The following NEGR1 variants were observed in gnomAD, a reference collection of about 807,000 sequenced individuals.
The protein encoded by NEGR1 is neuronal growth regulator 1.
A neutral mutation model predicts 40.9 loss-of-function variants in NEGR1; 10 were observed. The observed-to-expected ratio is 0.24, with a 90% CI of 0.15 to 0.42. The LOEUF is 0.42. Among genes scored for constraint, NEGR1 ranks in the 10% least tolerant of loss-of-function variants. The probability of loss-of-function intolerance (pLI) is 1.00; values close to 1 mark genes in which losing one functional copy is unlikely to be tolerated. For synonymous variants in NEGR1, 185 were observed against 166.8 expected (o/e 1.11, Z -0.84); for missense variants, 352 against 438.9 (o/e 0.80, Z 1.77).
chr1:72,122,293 C>T (rs1259153778), intron 1 of NEGR1, among the ~76,000 whole-genome samples: 1 of 151,818 alleles, frequency 6.6e-6, no homozygotes, highest in African/African-American at 2.4e-5. Flanking sequence ...ATGGGAAATC[C>T]CAGAGTGAGT....
intron 4 of NEGR1, among the ~76,000 whole-genome samples, chr1:71,636,303 T>A (rs566448858): frequency 6.6e-6 from 1 of 152,240 alleles, no homozygotes; most frequent in Admixed American, 6.5e-5. Context: ...AAATTAATAA[T>A]CTGGAGGTTC....
At chr1:71,684,407 A>G (rs1233719857) in intron 4 of NEGR1, among the ~76,000 whole-genome samples, 1 of 152,190 alleles carries the variant, frequency 6.6e-6, no homozygotes, top group African/African-American at 2.4e-5. Context: ...ACATTTGTAT[A>G]TATTTTTAAC....
At chr1:71,913,123 TA>T (rs1661466779) in intron 2 of NEGR1, among the ~76,000 whole-genome samples, 1 of 152,074 alleles carries the variant, frequency 6.6e-6, no homozygotes, top group Non-Finnish European at 1.5e-5. Context: ...TTAAATTAAT[TA>T]ATTAATTCTG....
At chr1:71,558,800 C>A (rs994154704) in intron 6 of NEGR1, among the ~76,000 whole-genome samples, 2 of 148,850 alleles carry the variant, frequency 1.3e-5, no homozygotes, top group African/African-American at 2.5e-5. Flanking sequence ...AGTTTCCCTG[C>A]CCAGCCCTAG....
At chr1:71,864,495 G>A (rs1660054896) in intron 2 of NEGR1, among the ~76,000 whole-genome samples, 1 of 152,152 alleles carries the variant, frequency 6.6e-6, no homozygotes, top group South Asian at 2.1e-4. Flanking sequence ...TAAAAGAATT[G>A]TGACTAAAGT....
At chr1:71,896,230 G>GT (rs1244373597) in intron 2 of NEGR1, among the ~76,000 whole-genome samples, 1 of 151,810 alleles carries the variant, frequency 6.6e-6, no homozygotes, top group Non-Finnish European at 1.5e-5. Context: ...TAGAGATGGG[G>GT]TTTCACCATG....
intron 2 of NEGR1, among the ~76,000 whole-genome samples, chr1:71,869,338 T>C (rs188887763): frequency 6.6e-6 from 1 of 152,258 alleles, no homozygotes; most frequent in Admixed American, 6.6e-5. Context: ...AGTGAGCCTA[T>C]AAATTAAAGC....
At position 71,815,893 on chromosome 1, in the gene NEGR1, T is replaced by G. The variant is rs974230134; in HGVS notation, c.410-39596A>C. On this transcript the variant is annotated intron_variant, in intron 2 of 6. Transcript: ENST00000357731. ...GATCACTGATAAACTGGATCATGGT[T>G]GAAGTGATAAAAGGTTTAACATATT... is the stretch of plus-strand genomic sequence containing the variant. Among the ~76,000 whole-genome samples the G allele has an allele frequency of 2.6e-5, 4 of 152,192 alleles. No individual in the cohort carries two copies. In the East Asian group the frequency reaches 7.8e-4, roughly 30 times the overall value.
At chr1:72,213,309 T>C (rs1451440243) in intron 1 of NEGR1, among the ~76,000 whole-genome samples, 1 of 151,938 alleles carries the variant, frequency 6.6e-6, no homozygotes, top group Non-Finnish European at 1.5e-5. Context: ...TTGTAAAACT[T>C]TTGCAAAATG....
At chr1:71,715,316 G>T (rs1324314163) in intron 3 of NEGR1, among the ~76,000 whole-genome samples, 1 of 152,174 alleles carries the variant, frequency 6.6e-6, no homozygotes, top group Non-Finnish European at 1.5e-5. Flanking sequence ...GACCTGCCAT[G>T]AAGACATCTG....
intron 1 of NEGR1, among the ~76,000 whole-genome samples, chr1:72,193,508 T>C (rs888300849): frequency 2.6e-5 from 4 of 151,742 alleles, no homozygotes; most frequent in African/African-American, 7.2e-5. Flanking sequence ...TGTTAGCTCC[T>C]GATATCAACA....
At chr1:72,007,557 T>A (rs967056787) in intron 1 of NEGR1, among the ~76,000 whole-genome samples, 2 of 152,124 alleles carry the variant, frequency 1.3e-5, no homozygotes, top group African/African-American at 4.8e-5. Flanking sequence ...CACTGTCTTA[T>A]GGCCACTAGT....
rs144659185 is a variant in NEGR1 at position 71,970,503 on chromosome 1, C to T, written c.177-35192G>A. ...GCCTGGAATTCAAGACCAGATTGGCCAACATGGTGAAATCCCATCTCTACT... is the reference window on the plus strand; with the variant it reads ...GCCTGGAATTCAAGACCAGATTGGCTAACATGGTGAAATCCCATCTCTACT... On this transcript the variant is annotated intron_variant, in intron 1 of 6. Coordinates refer to ENST00000357731, the MANE Select transcript of NEGR1 (RefSeq NM_173808.3). Among the ~76,000 whole-genome samples the T allele has an allele frequency of 3.0e-3, 452 of 152,016 alleles. 2 individuals carry two copies. Among genetic ancestry groups the T allele is most frequent in the African/African-American group, 0.01 (428 of 41,460 alleles).
chr1:71,951,981 T>C (rs949529227), intron 1 of NEGR1, among the ~76,000 whole-genome samples: 1 of 151,940 alleles, frequency 6.6e-6, no homozygotes, highest in African/African-American at 2.4e-5. Context: ...ATGTTGTCTG[T>C]GCTCTGACTT....
At chr1:72,269,958 G>T (rs1044044409) in intron 1 of NEGR1, among the ~76,000 whole-genome samples, 1 of 151,764 alleles carries the variant, frequency 6.6e-6, no homozygotes, top group Non-Finnish European at 1.5e-5. Flanking sequence ...AGACTTAGAA[G>T]CTAAAAGGCA....
intron 1 of NEGR1, among the ~76,000 whole-genome samples, chr1:71,995,956 G>A (rs1376057431): frequency 6.6e-6 from 1 of 151,968 alleles, no homozygotes; most frequent in Non-Finnish European, 1.5e-5. Flanking sequence ...TTATTTTAGA[G>A]AACGAATATT....
intron 1 of NEGR1, among the ~76,000 whole-genome samples, chr1:72,086,994 T>TA (rs1284550180): frequency 6.6e-6 from 1 of 152,106 alleles, no homozygotes; most frequent in African/African-American, 2.4e-5. Context: ...AAATTTGAGT[T>TA]AGAGTTATTT....
intron 1 of NEGR1, among the ~76,000 whole-genome samples, chr1:72,082,639 C>T (rs772796102): frequency 6.6e-6 from 1 of 151,518 alleles, no homozygotes; most frequent in Non-Finnish European, 1.5e-5. Flanking sequence ...ATGAACACTG[C>T]TACCATACAT....
At chr1:71,914,872 C>T (rs781114198) in intron 2 of NEGR1, among the ~76,000 whole-genome samples, 2 of 152,020 alleles carry the variant, frequency 1.3e-5, no homozygotes, top group Non-Finnish European at 2.9e-5. Context: ...ACTCATGATG[C>T]CATCATTTGT....
Sources: allele counts gnomAD v4.1 joint callset (sites outside exome capture counted in the v4.1 genomes callset), GRCh38; gene constraint gnomAD v4.1.1; transcripts MANE v1.5; gene names NCBI Gene and HGNC (gene_info 2026-07-23, HGNC 2026-07-21).